Variants in GRM7 observed in about 807,000 individuals in gnomAD.
GRM7 encodes metabotropic glutamate receptor 7.
In GRM7, 35 loss-of-function variants were observed where a neutral mutation model predicts 84.5. That is an observed-to-expected ratio of 0.41 (90% CI 0.32 to 0.55). GRM7 has a LOEUF of 0.55. Among genes scored for constraint, GRM7 ranks in the 20% least tolerant of loss-of-function variants. The probability of loss-of-function intolerance (pLI) is 0.19; values close to 1 mark genes in which losing one functional copy is unlikely to be tolerated. For synonymous variants in GRM7, 487 were observed against 455.1 expected, an observed-to-expected ratio of 1.07 and a Z score of -0.89; for missense variants, 1,003 against 1,194.6, an observed-to-expected ratio of 0.84 and a Z score of 2.36.
At chr3:7,100,010 A>G (rs962962170) in intron 1 of GRM7, among the ~76,000 whole-genome samples, 13 of 148,564 alleles carry the variant, frequency 8.8e-5, no homozygotes, top group Admixed American at 6.8e-4. Flanking sequence ...GCACATGTAC[A>G]TATATGTAAT....
chr3:6,906,503 A>T (rs1696583657), intron 1 of GRM7, among the ~76,000 whole-genome samples: 1 of 152,144 alleles, frequency 6.6e-6, no homozygotes, highest in Admixed American at 6.5e-5. Context: ...ATTCTTATTC[A>T]GTTTGATGTC....
At chr3:6,997,746 C>T (rs1330284090) in intron 1 of GRM7, among the ~76,000 whole-genome samples, 1 of 152,176 alleles carries the variant, frequency 6.6e-6, no homozygotes, top group Non-Finnish European at 1.5e-5. Flanking sequence ...TCCCCAAAGT[C>T]TTAACTCATT....
intron 7 of GRM7, among the ~76,000 whole-genome samples, chr3:7,498,407 A>C: frequency 6.6e-6 from 1 of 152,244 alleles, no homozygotes; most frequent in East Asian, 1.9e-4. Flanking sequence ...TCAACTTACA[A>C]GTAGACTGGA....
chr3:7,334,562 A>G (rs1268568400), intron 4 of GRM7, among the ~76,000 whole-genome samples: 1 of 152,188 alleles, frequency 6.6e-6, no homozygotes, highest in Non-Finnish European at 1.5e-5. Flanking sequence ...ACAGTACCTC[A>G]TATCTCAATA....
chr3:7,619,029 T>C (rs1697242657), intron 8 of GRM7, among the ~76,000 whole-genome samples: 1 of 152,178 alleles, frequency 6.6e-6, no homozygotes. Context: ...GCTTTTCCTT[T>C]GACCATCATG....
At chr3:7,331,106 A>G (rs1701192247) in intron 4 of GRM7, among the ~76,000 whole-genome samples, 1 of 152,244 alleles carries the variant, frequency 6.6e-6, no homozygotes, top group Non-Finnish European at 1.5e-5. Flanking sequence ...CAAAAACTCC[A>G]CAAGATCGGG....
intron 3 of GRM7, among the ~76,000 whole-genome samples, chr3:7,304,308 C>CTTTTT (rs34986687): frequency 6.1e-5 from 6 of 98,050 alleles, no homozygotes; most frequent in South Asian, 3.3e-4. Context: ...ATCATCCATC[C>CTTTTT]TTTTTTTTTT....
intron 1 of GRM7, among the ~76,000 whole-genome samples, chr3:6,936,369 C>T (rs1697694663): frequency 6.6e-6 from 1 of 152,192 alleles, no homozygotes; most frequent in African/African-American, 2.4e-5. Flanking sequence ...GAGCCTATTT[C>T]TGGATCCCAG....
At chr3:7,306,689 G>C in intron 4 of GRM7, 37 bp downstream of exon 4, 1 of 1,527,882 alleles carries the variant, frequency 6.5e-7, no homozygotes, top group South Asian at 1.3e-5. Flanking sequence ...GCTGAGAGAA[G>C]TTCTGGTGCC....
At chr3:7,408,706 G>A (rs1443267181) in intron 4 of GRM7, among the ~76,000 whole-genome samples, 2 of 152,162 alleles carry the variant, frequency 1.3e-5, no homozygotes, top group African/African-American at 4.8e-5. Context: ...AATGCTAGCG[G>A]GGCTACCTGC....
chr3:7,009,754 T>G (rs1173383602), intron 1 of GRM7, among the ~76,000 whole-genome samples: 3 of 152,176 alleles, frequency 2.0e-5, no homozygotes, highest in Non-Finnish European at 4.4e-5. Flanking sequence ...GCGTGTCTAT[T>G]GGATAGTTAT....
chr3:7,361,792 C>T (rs1206771966), intron 4 of GRM7, among the ~76,000 whole-genome samples: 2 of 152,104 alleles, frequency 1.3e-5, no homozygotes, highest in African/African-American at 4.8e-5. Flanking sequence ...TGGGTATTTT[C>T]TTCTGGCTGC....
In GRM7 at chr3:7,662,726, G is replaced by A. The variant is rs193032177; in HGVS notation, c.2452-17323G>A. The stretch of plus-strand genomic sequence containing the variant: ...AAGCGTAAAGAGAAAACAATAAGCA[G>A]GAAATGAACAGATGGTGAATCTGCA... On this transcript the variant is annotated intron_variant, in intron 8 of 9. Transcript: ENST00000357716. Among the ~76,000 whole-genome samples, 19 of 152,302 alleles carry A rather than the reference G, an allele frequency of 1.2e-4. No individual in the cohort carries two copies. The East Asian group carries it at 3.7e-3, about 29-fold the overall frequency.
chr3:7,007,721 C>T (rs1695229494), intron 1 of GRM7, among the ~76,000 whole-genome samples: 1 of 152,084 alleles, frequency 6.6e-6, no homozygotes, highest in South Asian at 2.1e-4. Flanking sequence ...TGATCTGATG[C>T]CCCACAAAAT....
intron 1 of GRM7, among the ~76,000 whole-genome samples, chr3:6,890,779 G>A (rs147898203): frequency 1.3e-5 from 2 of 151,460 alleles, no homozygotes; most frequent in Admixed American, 6.6e-5. Flanking sequence ...TCAATTCCTG[G>A]GTATCCTTGT....
chr3:7,459,176 A>G (rs1379432661), intron 6 of GRM7, among the ~76,000 whole-genome samples: 1 of 152,186 alleles, frequency 6.6e-6, no homozygotes, highest in African/African-American at 2.4e-5. Context: ...TTGGCCACAC[A>G]CAGATTCAGC....
intron 8 of GRM7, among the ~76,000 whole-genome samples, chr3:7,678,113 G>T (rs886855354): frequency 3.9e-5 from 6 of 151,904 alleles, no homozygotes; most frequent in Admixed American, 3.9e-4. Flanking sequence ...ATAAATATTA[G>T]GTACTATCTT....
chr3:7,427,522 G>A (rs190872424), intron 5 of GRM7, among the ~76,000 whole-genome samples: 17 of 152,170 alleles, frequency 1.1e-4, no homozygotes, highest in South Asian at 4.2e-4. Context: ...AATACAAATC[G>A]AAATAAATAA....
At chr3:7,296,825 A>C (rs1699831022) in intron 2 of GRM7, among the ~76,000 whole-genome samples, 1 of 151,784 alleles carries the variant, frequency 6.6e-6, no homozygotes, top group African/African-American at 2.4e-5. Context: ...CTTTTTTAAA[A>C]AAAAAAAAAG....
Sources: gnomAD v4.1 joint callset for allele counts (sites outside exome capture counted in the v4.1 genomes callset) on GRCh38, gnomAD v4.1.1 for gene constraint, MANE v1.5 for transcripts, NCBI Gene and HGNC (gene_info 2026-07-23, HGNC 2026-07-21) for gene names.